NBEA: variants seen among roughly 807,000 people sequenced by gnomAD.
NBEA encodes neurobeachin, also known as lysosomal-trafficking regulator 2.
Under a neutral mutation model 343.4 loss-of-function variants are expected in NBEA, and 44 were observed. That is an observed-to-expected ratio of 0.13 (90% CI 0.10 to 0.16). NBEA has a LOEUF of 0.16. Ranked by LOEUF, NBEA falls within the 10% of genes least tolerant of loss-of-function variation. NBEA has a pLI of 1.00. For synonymous variants in NBEA, 1,175 were observed against 1,238.7 expected (o/e 0.95, Z 1.08); for missense variants, 2,555 against 3,631.3 (o/e 0.70, Z 7.62).
chr13:35,253,245 A>C (rs2032186540), intron 34 of NBEA, among the ~76,000 whole-genome samples: 1 of 152,246 alleles, frequency 6.6e-6, no homozygotes, highest in Non-Finnish European at 1.5e-5. Flanking sequence ...TGCTTTACAG[A>C]TACTATGTTA....
At chr13:35,409,192 C>G (rs543214218) in intron 38 of NBEA, among the ~76,000 whole-genome samples, 1 of 152,064 alleles carries the variant, frequency 6.6e-6, no homozygotes, top group Admixed American at 6.6e-5. Flanking sequence ...CTGTCCTTCA[C>G]GGGGACTTCG....
intron 1 of NBEA, among the ~76,000 whole-genome samples, chr13:35,031,788 C>T (rs2062230995): frequency 6.6e-6 from 1 of 151,514 alleles, no homozygotes; most frequent in Non-Finnish European, 1.5e-5. Flanking sequence ...TTTTGCTTCT[C>T]TCCCTCCTCC....
At chr13:35,190,147 T>G (rs763676249) in intron 30 of NBEA, among the ~76,000 whole-genome samples, 1 of 152,146 alleles carries the variant, frequency 6.6e-6, no homozygotes, top group Non-Finnish European at 1.5e-5. Flanking sequence ...CAGGGCTTAT[T>G]ATTATTTGAC....
intron 47 of NBEA, among the ~76,000 whole-genome samples, chr13:35,598,494 C>G (rs2081908134): frequency 6.6e-6 from 1 of 152,194 alleles, no homozygotes; most frequent in East Asian, 1.9e-4. Context: ...TCTTTCTCTG[C>G]ATGCTTCCTG....
At chr13:35,193,377 A>G (rs1259285543) in intron 30 of NBEA, among the ~76,000 whole-genome samples, 3 of 151,970 alleles carry the variant, frequency 2.0e-5, no homozygotes, top group East Asian at 3.8e-4. Context: ...ACCTACAGAT[A>G]TAAATATCTT....
intron 48 of NBEA, among the ~76,000 whole-genome samples, chr13:35,627,718 A>T (rs1333180409): frequency 6.6e-6 from 1 of 152,184 alleles, no homozygotes; most frequent in Admixed American, 6.5e-5. Flanking sequence ...ATGAAACTGT[A>T]ACATGGTATT....
Position 35,117,467 on chromosome 13 carries a change from CT to C in NBEA, c.2061del (p.Leu688Ter). ...EIISLRAFML[L>X]FLKQLILKDR... Reference sequence around the variant, plus strand: ...TATATCACTGAGGGCATTTATGCTACTTTTTCTGAAACAGCTGATACTAAAG... The same window carrying C: ...TATATCACTGAGGGCATTTATGCTACTTTTCTGAAACAGCTGATACTAAAG... On this transcript the variant is annotated frameshift_variant, in exon 14 of 59. Transcript: ENST00000379939. LOFTEE classifies it high-confidence loss of function. 7.3e-7 allele frequency: 1 copy of C among 1,376,754 alleles called. No homozygotes were observed. The highest frequency in any genetic ancestry group is 9.5e-7 in the Non-Finnish European group (1 of 1,051,250). 85.3% of individuals were successfully genotyped at this position (1,376,754 alleles called of 1,614,324 possible).
At position 35,566,912 on chromosome 13, in the gene NBEA, A is replaced by G; in HGVS notation, c.6930A>G (p.Thr2310=). 2 of 1,591,798 alleles carry G rather than the reference A, an allele frequency of 1.3e-6. No individual in the cohort carries two copies. The highest frequency in any genetic ancestry group is 1.7e-6 in the Non-Finnish European group (2 of 1,162,382). The change falls in exon 45 of 59, where the codon ACA becomes ACG. Residue 2310 remains threonine, a synonymous_variant. Coordinates refer to ENST00000379939, the MANE Select transcript of NBEA (RefSeq NM_001385012.1). ...TCTGTTTTTCTTTACTAGGACGGAC[A>G]TATAATGATCTGAACCAATATCCAG... The part of the protein sequence containing the change: ...LMFLNTIAGR[T]YNDLNQYPVF...
At chr13:35,381,524 G>A (rs1188089547) in intron 38 of NBEA, among the ~76,000 whole-genome samples, 2 of 152,042 alleles carry the variant, frequency 1.3e-5, no homozygotes, top group African/African-American at 4.8e-5. Flanking sequence ...TTCCCGAGTA[G>A]CATGGGATGA....
chr13:35,399,154 A>T (rs570055710), intron 38 of NBEA, among the ~76,000 whole-genome samples: 96 of 152,198 alleles, frequency 6.3e-4, no homozygotes, highest in Non-Finnish European at 1.2e-3. Flanking sequence ...AATTGAAGAG[A>T]TAGGGCTTTG....
chr13:35,286,538 G>A (rs192217541), intron 34 of NBEA, among the ~76,000 whole-genome samples: 6 of 152,020 alleles, frequency 3.9e-5, no homozygotes, highest in Non-Finnish European at 8.8e-5. Context: ...ATTTTTCAAC[G>A]GTATTTTAAA....
At chr13:35,395,845 A>G (rs1316588872) in intron 38 of NBEA, among the ~76,000 whole-genome samples, 1 of 152,164 alleles carries the variant, frequency 6.6e-6, no homozygotes, top group Admixed American at 6.6e-5. Context: ...TGTGAATATT[A>G]TGTTTCTTCA....
At chr13:35,084,527 A>G (rs2064621624) in intron 10 of NBEA, among the ~76,000 whole-genome samples, 1 of 152,196 alleles carries the variant, frequency 6.6e-6, no homozygotes, top group African/African-American at 2.4e-5. Context: ...ATGTTCTTTG[A>G]AACCAACGAG....
chr13:34,955,076 T>A lies in NBEA; in HGVS notation c.294+11962T>A, dbSNP rs1457726378. Among the ~76,000 whole-genome samples the A allele has an allele frequency of 2.0e-5, 3 of 152,178 alleles. No individual in the cohort carries two copies. In the East Asian group the frequency reaches 5.8e-4, roughly 29 times the overall value. ...AACTGAGAACCAGGTAGGTTAAGAT[T>A]CTATGGTCCTTCACAGACTAGGAAT... is the stretch of plus-strand genomic sequence containing the variant. On this transcript the variant is annotated intron_variant, in intron 1 of 58. Transcript: ENST00000379939.
chr13:35,061,651 A>T (rs1374935454), intron 8 of NBEA, among the ~76,000 whole-genome samples: 1 of 151,716 alleles, frequency 6.6e-6, no homozygotes, highest in Non-Finnish European at 1.5e-5. Flanking sequence ...CAATGGTTTT[A>T]TGAATTGCTA....
intron 1 of NBEA, among the ~76,000 whole-genome samples, chr13:35,032,478 G>T (rs1159726974): frequency 6.6e-6 from 1 of 151,642 alleles, no homozygotes; most frequent in East Asian, 1.9e-4. Context: ...CATGTCCTTT[G>T]CCCATTTTTT....
intron 13 of NBEA, among the ~76,000 whole-genome samples, chr13:35,111,551 T>C (rs2066207121): frequency 6.6e-6 from 1 of 152,086 alleles, no homozygotes; most frequent in South Asian, 2.1e-4. Flanking sequence ...ATTGCATACA[T>C]ATATAAAAAT....
chr13:35,261,808 G>A lies in NBEA; in HGVS notation c.5777-28581G>A, dbSNP rs190674889. Among the ~76,000 whole-genome samples the A allele has an allele frequency of 2.1e-3, 317 of 152,218 alleles. 1 individual carries two copies. Among genetic ancestry groups the A allele is most frequent in the African/African-American group, 7.4e-3 (306 of 41,548 alleles). On this transcript the variant is annotated intron_variant, in intron 34 of 58. Transcript: ENST00000379939. ...ACATGGAATTGGAGTTCAAGGAAAA[G>A]GGGTTGAGAGTGGAAAATAATACCC... is the stretch of plus-strand genomic sequence containing the variant.
chr13:35,538,690 G>A (rs1427338243), intron 41 of NBEA, among the ~76,000 whole-genome samples: 1 of 152,212 alleles, frequency 6.6e-6, no homozygotes, highest in Non-Finnish European at 1.5e-5. Flanking sequence ...TGAATAAACA[G>A]TGCGTCACAT....
Sources: allele counts gnomAD v4.1 joint callset (sites outside exome capture counted in the v4.1 genomes callset), GRCh38; gene constraint gnomAD v4.1.1; transcripts MANE v1.5; gene names NCBI Gene and HGNC (gene_info 2026-07-23, HGNC 2026-07-21).